The following ZHX1 variants were observed in gnomAD, a reference collection of about 807,000 sequenced individuals.
The protein encoded by ZHX1 is zinc fingers and homeoboxes 1.
In ZHX1, 20 loss-of-function variants were observed where a neutral mutation model predicts 61.8. The observed-to-expected ratio is 0.32, with a 90% CI of 0.23 to 0.47. ZHX1 has a LOEUF of 0.47. ZHX1 is among the 20% of genes least tolerant of loss of function. ZHX1 has a pLI of 1.00. For synonymous variants in ZHX1, 318 were observed against 352.6 expected, an observed-to-expected ratio of 0.90 and a Z score of 1.10; for missense variants, 800 against 1,034.8, an observed-to-expected ratio of 0.77 and a Z score of 3.11.
chr8:123,252,092 G>A lies in ZHX1; in HGVS notation c.*3+1230C>T, dbSNP rs967588294. 1.4e-4 allele frequency among the ~76,000 whole-genome samples: 22 copies of A among 152,240 alleles called. 1 individual carries two copies. Among genetic ancestry groups the A allele is most frequent in the African/African-American group, 4.3e-4 (18 of 41,546 alleles). Reference sequence around the variant, plus strand: ...TGCAAAAAGCCAAGGAAATAAGTAAGCATGCTCACGTATAAAATAATAATG... The same window carrying A: ...TGCAAAAAGCCAAGGAAATAAGTAAACATGCTCACGTATAAAATAATAATG... On this transcript the variant is annotated intron_variant, in intron 3 of 3. Coordinates refer to ENST00000395571, the MANE Select transcript of ZHX1 (RefSeq NM_007222.5).
At chr8:123,253,050 A>AGATT (rs1248596275) in intron 3 of ZHX1, 1 of 317,516 alleles carries the variant, frequency 3.1e-6, no homozygotes, top group Non-Finnish European at 5.6e-6. Flanking sequence ...CCCTTCATAG[A>AGATT]GATTGGGTAA....
At chr8:123,260,919 G>C (rs571601286) in intron 2 of ZHX1, among the ~76,000 whole-genome samples, 17 of 152,186 alleles carry the variant, frequency 1.1e-4, no homozygotes, top group African/African-American at 3.9e-4. Context: ...CTACTCAGGA[G>C]GCTGAGGCAG....
At chr8:123,269,158 T>C (rs930149538) in intron 1 of ZHX1, among the ~76,000 whole-genome samples, 5 of 152,210 alleles carry the variant, frequency 3.3e-5, no homozygotes, top group Admixed American at 2.0e-4. Flanking sequence ...GAAGAGAAGA[T>C]AGGAAACAGC....
rs529526735 is a variant in ZHX1 at position 123,272,281 on chromosome 8, GATTC to G, written c.-340+1932_-340+1935del. Among the ~76,000 whole-genome samples, 10 of 152,168 alleles carry G rather than the reference GATTC, an allele frequency of 6.6e-5. No homozygotes were observed. In the South Asian group the frequency reaches 2.1e-3, roughly 32 times the overall value. On this transcript the variant is annotated intron_variant, in intron 1 of 3. Transcript: ENST00000395571. ...TCTGAAGAGGTACTTCAACAAAAAA[GATTC>G]ATTGATAACTGAAATGCTATCATTT...
At chr8:123,259,324 T>C (rs1826173912) in intron 2 of ZHX1, among the ~76,000 whole-genome samples, 1 of 152,258 alleles carries the variant, frequency 6.6e-6, no homozygotes, top group African/African-American at 2.4e-5. Context: ...TATTTACAAC[T>C]ATTTCTTAAC....
At chr8:123,266,342 T>A (rs1271026397) in intron 2 of ZHX1, among the ~76,000 whole-genome samples, 1 of 152,192 alleles carries the variant, frequency 6.6e-6, no homozygotes, top group Non-Finnish European at 1.5e-5. Context: ...TTATCTTCCC[T>A]ATTTATAATG....
chr8:123,269,153 G>C lies in ZHX1; in HGVS notation c.-339-1767C>G, dbSNP rs922824550. Among the ~76,000 whole-genome samples, 43 of 152,196 alleles carry C rather than the reference G, an allele frequency of 2.8e-4. 1 individual carries two copies. Among genetic ancestry groups the C allele is most frequent in the African/African-American group, 1.0e-3 (43 of 41,454 alleles). ...AATCTACAGGATGTGGACTAGAAGA[G>C]AAGATAGGAAACAGCTGCCAAAGAG... On this transcript the variant is annotated intron_variant, in intron 1 of 3. Coordinates refer to ENST00000395571, the MANE Select transcript of ZHX1 (RefSeq NM_007222.5).
In ZHX1 at chr8:123,255,919, G is replaced by A. The variant is rs1241454911; in HGVS notation, c.28C>T (p.Pro10Ser). The change falls in exon 3 of 4, where the codon CCT becomes TCT. Residue 10 changes from proline to serine, a missense_variant. Physicochemically the swap from Pro to Ser is moderately conservative, Grantham distance 74. Transcript: ENST00000395571. MASRRKSTT[P>S]CMVLASEQDP... ...TGTTCACTGGCAAGGACCATGCAAG[G>A]TGTTGTTGATTTTCGCCTGCTTGCC... The A allele has an allele frequency of 6.2e-7, 1 of 1,606,832 alleles. No homozygotes were observed. Among genetic ancestry groups the A allele is most frequent in the Non-Finnish European group, 8.5e-7 (1 of 1,176,458 alleles).
At chr8:123,263,150 A>G (rs943464800) in intron 2 of ZHX1, among the ~76,000 whole-genome samples, 1 of 151,752 alleles carries the variant, frequency 6.6e-6, no homozygotes, top group African/African-American at 2.4e-5. Context: ...TGTAGCATTC[A>G]GGTATAGTTT....
At chr8:123,274,627 G>C (rs1826787430), upstream of ZHX1, 1 of 151,896 alleles carries the variant, frequency 6.6e-6, no homozygotes, top group African/African-American at 2.4e-5. Context: ...CCTGTCAACA[G>C]AAGCCCCGCC....
upstream of ZHX1, among the ~76,000 whole-genome samples, chr8:123,274,902 C>G (rs1235141644): frequency 6.6e-6 from 1 of 152,208 alleles, no homozygotes; most frequent in East Asian, 1.9e-4. Context: ...CGACCCAGGC[C>G]CCGCCCCTCG....
chr8:123,274,594 G>A (rs889880105), upstream of ZHX1: 1 of 152,236 alleles, frequency 6.6e-6, no homozygotes, highest in Non-Finnish European at 1.5e-5. Flanking sequence ...CGCACCGCGG[G>A]AGGTAGGGAG....
chr8:123,249,469 C>T lies in ZHX1; in HGVS notation c.*855G>A, dbSNP rs966998269. Reference sequence around the variant, plus strand: ...CCTGTATAAACATTTCTGATTTCCACGATTGTAAGAAAACACTAAGTATAC... The same window carrying T: ...CCTGTATAAACATTTCTGATTTCCATGATTGTAAGAAAACACTAAGTATAC... On this transcript the variant is annotated 3_prime_UTR_variant, in exon 4 of 4. Coordinates refer to ENST00000395571, the MANE Select transcript of ZHX1 (RefSeq NM_007222.5). The T allele has an allele frequency of 1.3e-5, 2 of 152,246 alleles. No individual in the cohort carries two copies. Among genetic ancestry groups the T allele is most frequent in the South Asian group, 2.1e-4 (1 of 4,832 alleles). 9.4% of individuals were successfully genotyped at this position (152,246 alleles called of 1,614,324 possible). A position where few individuals can be genotyped will look rare whatever the true frequency, so the allele number is the denominator to read the frequency against.
chr8:123,267,149 AG>A (rs1348447714), intron 2 of ZHX1, 123 bp downstream of exon 2: 15 of 739,790 alleles, frequency 2.0e-5, no homozygotes, highest in Non-Finnish European at 2.6e-5. Context: ...AAAAGTGTTA[AG>A]CATATGTCTG....
intron 2 of ZHX1, among the ~76,000 whole-genome samples, chr8:123,261,343 T>C (rs889883491): frequency 2.0e-5 from 3 of 152,186 alleles, no homozygotes; most frequent in African/African-American, 4.8e-5. Flanking sequence ...ATAAAGTCAT[T>C]GTGAATAGGG....
intron 3 of ZHX1, among the ~76,000 whole-genome samples, chr8:123,251,485 G>A (rs1294964487): frequency 2.6e-5 from 4 of 151,998 alleles, no homozygotes; most frequent in Non-Finnish European, 4.4e-5. Context: ...TATAACATAA[G>A]AATTATCTAT....
At chr8:123,257,804 G>A (rs967305622) in intron 2 of ZHX1, among the ~76,000 whole-genome samples, 1 of 152,184 alleles carries the variant, frequency 6.6e-6, no homozygotes, top group African/African-American at 2.4e-5. Context: ...GTGCGGCCCA[G>A]TTCCTAACAG....
At chr8:123,267,487 TG>T (rs1244124616) in intron 1 of ZHX1, 101 bp from the exon 2 acceptor site, 4 of 412,758 alleles carry the variant, frequency 9.7e-6, no homozygotes, top group Non-Finnish European at 1.7e-5. Context: ...AATGTAATTT[TG>T]AAAAAAAAAG....
chr8:123,272,942 T>A (rs551587225), intron 1 of ZHX1, among the ~76,000 whole-genome samples: 1 of 152,276 alleles, frequency 6.6e-6, no homozygotes, highest in African/African-American at 2.4e-5. Context: ...TCTCAGCCTT[T>A]ACATTTTTCT....
Sources: gnomAD v4.1 joint callset for allele counts (sites outside exome capture counted in the v4.1 genomes callset) on GRCh38, gnomAD v4.1.1 for gene constraint, MANE v1.5 for transcripts, NCBI Gene and HGNC (gene_info 2026-07-23, HGNC 2026-07-21) for gene names.